The following ST6GALNAC3 variants were observed in gnomAD, a reference collection of about 807,000 sequenced individuals.
ST6GALNAC3 encodes the protein alpha-N-acetylgalactosaminide alpha-2,6-sialyltransferase 3.
Under a neutral mutation model 32.7 loss-of-function variants are expected in ST6GALNAC3, and 25 were observed. That is an observed-to-expected ratio of 0.76 (90% confidence interval 0.56 to 1.07). The LOEUF (loss-of-function observed/expected upper bound fraction) is 1.07. Among genes scored for constraint, ST6GALNAC3 ranks in the 50% least tolerant of loss-of-function variants. The pLI is 0.00. For missense variants in ST6GALNAC3, 355 were observed against 382.4 expected, an observed-to-expected ratio of 0.93 and a Z score of 0.60; for synonymous variants, 129 against 133.1, an observed-to-expected ratio of 0.97 and a Z score of 0.21.
rs1660892121 is a variant in ST6GALNAC3, at chr1:76,497,032, G to T, written c.623+84615G>T. Among the ~76,000 whole-genome samples the T allele has an allele frequency of 3.3e-5, 5 of 152,284 alleles. No homozygotes were observed. The South Asian group carries it at 1.0e-3, about 32-fold the overall frequency. On this transcript the variant is annotated intron_variant, in intron 3 of 4. Transcript: ENST00000328299. ...ATTTTTCATTTATGTAGAAGGATTTGTTTTTAACAGTTACAATTTGGATCC... is the reference window on the plus strand; with the variant it reads ...ATTTTTCATTTATGTAGAAGGATTTTTTTTTAACAGTTACAATTTGGATCC...
intron 1 of ST6GALNAC3, among the ~76,000 whole-genome samples, chr1:76,309,605 A>G (rs1170867489): frequency 1.3e-5 from 2 of 152,160 alleles, no homozygotes; most frequent in African/African-American, 2.4e-5. Context: ...CACACAGTGT[A>G]CTTGAAGGTA....
intron 1 of ST6GALNAC3, among the ~76,000 whole-genome samples, chr1:76,241,343 C>T (rs996331454): frequency 6.6e-6 from 1 of 152,158 alleles, no homozygotes; most frequent in African/African-American, 2.4e-5. Context: ...CAAACTGCTT[C>T]CACTCATGGT....
At chr1:76,173,444 A>G (rs1652652407) in intron 1 of ST6GALNAC3, among the ~76,000 whole-genome samples, 1 of 152,244 alleles carries the variant, frequency 6.6e-6, no homozygotes, top group African/African-American at 2.4e-5. Context: ...TCATGACTAA[A>G]ATGCCAAAAG....
chr1:76,271,828 A>AGGT lies in ST6GALNAC3; in HGVS notation c.19-41972_19-41970dup, dbSNP rs1003243207. Among the ~76,000 whole-genome samples the AGGT allele has an allele frequency of 8.5e-5, 13 of 152,294 alleles. No individual in the cohort carries two copies. In the South Asian group the frequency reaches 2.5e-3, roughly 29 times the overall value. On this transcript the variant is annotated intron_variant, in intron 1 of 4. Transcript: ENST00000328299. ...GCTTGGAGCAGGGTGGTGGCAGTAG[A>AGGT]GGTGGTGAGAAGAGGTTAGATTTGG...
intron 1 of ST6GALNAC3, among the ~76,000 whole-genome samples, chr1:76,109,234 AT>A (rs1279502651): frequency 6.6e-6 from 1 of 151,984 alleles, no homozygotes; most frequent in Non-Finnish European, 1.5e-5. Context: ...AGTAGATAAA[AT>A]TTTTTGCTGA....
At chr1:76,585,281 G>A (rs1350983652) in intron 3 of ST6GALNAC3, among the ~76,000 whole-genome samples, 2 of 152,008 alleles carry the variant, frequency 1.3e-5, no homozygotes, top group African/African-American at 4.8e-5. Flanking sequence ...AGCTACTTGG[G>A]GGGCTGAGAC....
chr1:76,079,825 C>T (rs141062850), intron 1 of ST6GALNAC3, among the ~76,000 whole-genome samples: 1 of 152,226 alleles, frequency 6.6e-6, no homozygotes, highest in Non-Finnish European at 1.5e-5. Context: ...ACTCCCCCTG[C>T]CTTGTTCAAC....
chr1:76,357,181 C>G (rs565993509), intron 2 of ST6GALNAC3, among the ~76,000 whole-genome samples: 1 of 137,650 alleles, frequency 7.3e-6, no homozygotes, highest in South Asian at 2.5e-4. Flanking sequence ...GTTACCCAGG[C>G]TGGAGTGCAG....
chr1:76,587,422 G>A (rs529211754), intron 3 of ST6GALNAC3, among the ~76,000 whole-genome samples: 26 of 152,288 alleles, frequency 1.7e-4, no homozygotes, highest in South Asian at 1.2e-3. Context: ...GTGGCTTTGA[G>A]ATGCCTGGCT....
At chr1:76,361,375 A>C (rs1467310334) in intron 2 of ST6GALNAC3, among the ~76,000 whole-genome samples, 3 of 152,046 alleles carry the variant, frequency 2.0e-5, no homozygotes, top group African/African-American at 7.2e-5. Context: ...TAATGTTCTT[A>C]AGGATCATTC....
intron 3 of ST6GALNAC3, among the ~76,000 whole-genome samples, chr1:76,481,082 T>G (rs1659693375): frequency 6.6e-6 from 1 of 152,198 alleles, no homozygotes; most frequent in African/African-American, 2.4e-5. Flanking sequence ...AGGTCCCTTC[T>G]GAGCTTTCTG....
intron 1 of ST6GALNAC3, among the ~76,000 whole-genome samples, chr1:76,086,157 C>A (rs1646961972): frequency 6.6e-6 from 1 of 152,080 alleles, no homozygotes; most frequent in African/African-American, 2.4e-5. Context: ...ACACTTTGGA[C>A]CCCCCACTTC....
chr1:76,281,752 C>T (rs1056761597), intron 1 of ST6GALNAC3, among the ~76,000 whole-genome samples: 1 of 152,092 alleles, frequency 6.6e-6, no homozygotes, highest in African/African-American at 2.4e-5. Context: ...CTTTGCTACT[C>T]GATTATGCTG....
chr1:76,486,042 GT>G (rs1660088787), intron 3 of ST6GALNAC3, among the ~76,000 whole-genome samples: 1 of 152,160 alleles, frequency 6.6e-6, no homozygotes, highest in South Asian at 2.1e-4. Flanking sequence ...TTTTGAGTGA[GT>G]TTCTTAATCC....
intron 1 of ST6GALNAC3, among the ~76,000 whole-genome samples, chr1:76,093,766 G>A (rs50564): frequency 0.35 from 53,818 of 151,966 alleles, 10,638 homozygotes; most frequent in African/African-American, 0.53. Flanking sequence ...GTTTTCTCCT[G>A]TATATTTACC....
chr1:76,510,255 G>T (rs1432737768), intron 3 of ST6GALNAC3, among the ~76,000 whole-genome samples: 1 of 152,106 alleles, frequency 6.6e-6, no homozygotes, highest in Non-Finnish European at 1.5e-5. Context: ...ACTTTAAAAT[G>T]GGTCTTCACC....
intron 2 of ST6GALNAC3, among the ~76,000 whole-genome samples, chr1:76,370,034 T>C (rs1430089480): frequency 6.6e-6 from 1 of 152,172 alleles, no homozygotes; most frequent in Non-Finnish European, 1.5e-5. Flanking sequence ...AAAATTGAAA[T>C]CAATTTGTAA....
chr1:76,502,015 C>A (rs1477800760), intron 3 of ST6GALNAC3, among the ~76,000 whole-genome samples: 2 of 152,180 alleles, frequency 1.3e-5, no homozygotes, highest in Non-Finnish European at 2.9e-5. Context: ...AATCCACTTT[C>A]AAAGCCTTGA....
At chr1:76,270,623 A>G (rs1287859331) in intron 1 of ST6GALNAC3, among the ~76,000 whole-genome samples, 1 of 152,000 alleles carries the variant, frequency 6.6e-6, no homozygotes, top group African/African-American at 2.4e-5. Context: ...TTATAATGAA[A>G]CTGAAATCCA....
Sources: allele counts gnomAD v4.1 joint callset (sites outside exome capture counted in the v4.1 genomes callset), GRCh38; gene constraint gnomAD v4.1.1; transcripts MANE v1.5; gene names NCBI Gene and HGNC (gene_info 2026-07-23, HGNC 2026-07-21).